The following PPP6R3 variants were observed in gnomAD, a reference collection of about 807,000 sequenced individuals.
The protein encoded by PPP6R3 is protein phosphatase 6 regulatory subunit 3.
In PPP6R3, 38 loss-of-function variants were observed where a neutral mutation model predicts 110.7. The observed-to-expected ratio is 0.34, with a 90% CI of 0.26 to 0.45. The LOEUF (loss-of-function observed/expected upper bound fraction) is 0.45, where lower values mean the gene tolerates loss of function less well. Ranked by LOEUF, PPP6R3 falls within the 20% of genes least tolerant of loss-of-function variation. The pLI is 1.00. For synonymous variants in PPP6R3, 369 were observed against 373.5 expected (o/e 0.99, Z 0.14); for missense variants, 870 against 1,062.4 (o/e 0.82, Z 2.52).
intron 1 of PPP6R3, among the ~76,000 whole-genome samples, chr11:68,471,885 A>T (rs1260480171): frequency 6.6e-6 from 1 of 150,416 alleles, no homozygotes; most frequent in Non-Finnish European, 1.5e-5. Context: ...ACTAGGGGAG[A>T]TGGGATAGTG....
intron 9 of PPP6R3, among the ~76,000 whole-genome samples, chr11:68,564,691 G>T (rs576128847): frequency 4.6e-5 from 7 of 152,092 alleles, no homozygotes; most frequent in African/African-American, 7.2e-5. Context: ...AAAGAAAAAA[G>T]AATTTTCTTC....
At chr11:68,551,061 C>A in intron 5 of PPP6R3, 60 bp from the exon 6 acceptor site, 1 of 1,163,916 alleles carries the variant, frequency 8.6e-7, no homozygotes, top group South Asian at 1.3e-5. Flanking sequence ...TGTTAATCTA[C>A]ATTGGGGCTT....
At position 68,542,369 on chromosome 11, in the gene PPP6R3, T is replaced by C. The variant is rs2099321244; in HGVS notation, c.228-2469T>C. On this transcript the variant is annotated intron_variant, in intron 3 of 23. Coordinates refer to ENST00000393800, the MANE Select transcript of PPP6R3 (RefSeq NM_001164161.2). ...GCCGAGGGTGGAGTGGAGGCATCTT[T>C]GGGTGCTTGAGAAGCTGCTGTTTTT... 1.6e-5 allele frequency among the ~76,000 whole-genome samples: 2 copies of C among 127,622 alleles called. 1 individual carries two copies. The allele number at this position is 127,622 out of a possible 152,430, so 83.7% of individuals were successfully genotyped here.
In PPP6R3 at chr11:68,591,557, T is replaced by A. The variant is rs1217350576; in HGVS notation, c.1786-19T>A. The A allele has an allele frequency of 6.4e-7, 1 of 1,568,350 alleles. No individual in the cohort carries two copies. The highest frequency in any genetic ancestry group is 2.0e-5 in the Admixed American group (1 of 50,682). On this transcript the variant is annotated intron_variant, in intron 17 of 23. Transcript: ENST00000393800. ...CTTTAAATTTATTTTGTTGTTTTTT[T>A]CCTCTCATTTTTATTTAGGGAAATA...
chr11:68,494,243 T>G (rs1372079153), intron 1 of PPP6R3, among the ~76,000 whole-genome samples: 1 of 149,342 alleles, frequency 6.7e-6, no homozygotes, highest in African/African-American at 2.5e-5. Flanking sequence ...CAAAACATCA[T>G]GGCCGGGCAC....
chr11:68,507,196 A>C (rs917858137), intron 1 of PPP6R3, among the ~76,000 whole-genome samples: 2 of 150,092 alleles, frequency 1.3e-5, no homozygotes, highest in African/African-American at 4.9e-5. Context: ...AGGAGGTGAT[A>C]GTATGGATTT....
rs1312071947 is a variant in PPP6R3, at chr11:68,481,444, G to A, written c.-158+20617G>A. On this transcript the variant is annotated intron_variant, in intron 1 of 23. Transcript: ENST00000393800. ...TCTTAGTGATTTTCAGTGGAGCCAA[G>A]GAGTTTGAAATGCATAGGCAATGTA... Among the ~76,000 whole-genome samples, 62 of 152,218 alleles carry A rather than the reference G, an allele frequency of 4.1e-4. 2 individuals are homozygous for A. Among genetic ancestry groups the A allele is most frequent in the Admixed American group, 4.0e-3 (61 of 15,286 alleles).
intron 3 of PPP6R3, among the ~76,000 whole-genome samples, chr11:68,542,389 G>GTTGTTTTTTTTTTT (rs2099321655): frequency 2.5e-5 from 1 of 40,188 alleles, no homozygotes; most frequent in Non-Finnish European, 4.1e-5. Context: ...AGAAGCTGCT[G>GTTGTTTTTTTTTTT]TTTTTTTTTT....
intron 2 of PPP6R3, among the ~76,000 whole-genome samples, chr11:68,534,793 C>T (rs756983848): frequency 1.2e-4 from 19 of 152,002 alleles, no homozygotes; most frequent in Non-Finnish European, 2.5e-4. Context: ...TTTTTAAGAA[C>T]GTAGAGGTGC....
chr11:68,514,598 T>A (rs1471528097), intron 1 of PPP6R3, among the ~76,000 whole-genome samples: 3 of 152,174 alleles, frequency 2.0e-5, no homozygotes, highest in African/African-American at 7.2e-5. Context: ...TATTTTTTAT[T>A]TTTTGAGACG....
chr11:68,477,002 C>T (rs1033928761), intron 1 of PPP6R3, among the ~76,000 whole-genome samples: 1 of 151,328 alleles, frequency 6.6e-6, no homozygotes, highest in African/African-American at 2.4e-5. Context: ...GTACTCCAGC[C>T]TAGATGACAG....
chr11:68,589,772 A>C (rs1353189603), intron 16 of PPP6R3, among the ~76,000 whole-genome samples: 2 of 152,244 alleles, frequency 1.3e-5, no homozygotes, highest in Non-Finnish European at 2.9e-5. Flanking sequence ...TGAGAAGCTA[A>C]AATATTTTTA....
At chr11:68,503,883 C>T (rs1466343304) in intron 1 of PPP6R3, among the ~76,000 whole-genome samples, 2 of 152,138 alleles carry the variant, frequency 1.3e-5, no homozygotes, top group Non-Finnish European at 2.9e-5. Context: ...AATATATGAA[C>T]AGTGCCCATC....
At chr11:68,537,224 A>G (rs890295652) in intron 2 of PPP6R3, among the ~76,000 whole-genome samples, 7 of 152,204 alleles carry the variant, frequency 4.6e-5, no homozygotes, top group Non-Finnish European at 1.0e-4. Context: ...TGACTATGAA[A>G]GTACTGGTTT....
chr11:68,499,341 A>G (rs2099036061), intron 1 of PPP6R3, among the ~76,000 whole-genome samples: 1 of 152,100 alleles, frequency 6.6e-6, no homozygotes, highest in Non-Finnish European at 1.5e-5. Context: ...ATGCCTGGCA[A>G]GTAGGTTCTG....
intron 2 of PPP6R3, among the ~76,000 whole-genome samples, chr11:68,530,513 TCTA>T (rs1246544157): frequency 6.6e-6 from 1 of 152,252 alleles, no homozygotes; most frequent in Non-Finnish European, 1.5e-5. Flanking sequence ...AGCGGCAACT[TCTA>T]CTAGAAATAT....
chr11:68,542,389 G>GTTTTTTTTTTGTTTTTGTTT (rs1555132282), intron 3 of PPP6R3, among the ~76,000 whole-genome samples: 3 of 40,188 alleles, frequency 7.5e-5, no homozygotes, highest in African/African-American at 1.0e-4. Context: ...AGAAGCTGCT[G>GTTTTTTTTTTGTTTTTGTTT]TTTTTTTTTT....
chr11:68,520,237 A>G (rs1441360268), intron 2 of PPP6R3, among the ~76,000 whole-genome samples: 1 of 152,200 alleles, frequency 6.6e-6, no homozygotes. Flanking sequence ...TCCCCATTGT[A>G]TCTCTAGAAG....
intron 1 of PPP6R3, among the ~76,000 whole-genome samples, chr11:68,494,875 G>GT (rs2099006625): frequency 6.6e-6 from 1 of 152,076 alleles, no homozygotes; most frequent in African/African-American, 2.4e-5. Flanking sequence ...TTTTATGTTT[G>GT]TTTTTACAAT....
Sources: gnomAD v4.1 joint callset for allele counts (sites outside exome capture counted in the v4.1 genomes callset) on GRCh38, gnomAD v4.1.1 for gene constraint, MANE v1.5 for transcripts, NCBI Gene and HGNC (gene_info 2026-07-23, HGNC 2026-07-21) for gene names.